NPAS2: variants seen among roughly 807,000 people sequenced by gnomAD.
NPAS2 encodes neuronal PAS domain protein 2.
In NPAS2, 23 loss-of-function variants were observed where a neutral mutation model predicts 107.5. The observed-to-expected ratio is 0.21, with a 90% CI of 0.15 to 0.30. The LOEUF is 0.30. Among genes scored for constraint, NPAS2 ranks in the 10% least tolerant of loss-of-function variants. NPAS2 has a pLI of 1.00. For synonymous variants in NPAS2, 403 were observed against 417.5 expected (o/e 0.97, Z 0.42); for missense variants, 756 against 1,043.3 (o/e 0.72, Z 3.79).
intron 1 of NPAS2, among the ~76,000 whole-genome samples, chr2:100,838,331 G>C (rs911233715): frequency 6.6e-6 from 1 of 152,106 alleles, no homozygotes; most frequent in Non-Finnish European, 1.5e-5. Context: ...AGGCTGGAGT[G>C]TAGTGGTGCA....
At chr2:100,974,454 C>T (rs1053483052) in intron 12 of NPAS2, among the ~76,000 whole-genome samples, 1 of 152,162 alleles carries the variant, frequency 6.6e-6, no homozygotes, top group Non-Finnish European at 1.5e-5. Flanking sequence ...CAGCAGCAAC[C>T]TTATTTCTAG....
At chr2:100,870,292 G>A (rs940390434) in intron 1 of NPAS2, among the ~76,000 whole-genome samples, 1 of 152,174 alleles carries the variant, frequency 6.6e-6, no homozygotes, top group African/African-American at 2.4e-5. Context: ...GCTGTCCAGG[G>A]TATACACTGA....
chr2:100,995,270 C>G lies in NPAS2; in HGVS notation c.2293-130C>G, dbSNP rs1054839734. 35 of 769,158 alleles carry G rather than the reference C, an allele frequency of 4.6e-5. No homozygotes were observed. The African/African-American group carries it at 5.7e-4, about 13-fold the overall frequency. 47.6% of individuals were successfully genotyped at this position (769,158 alleles called of 1,614,324 possible). A position where few individuals can be genotyped will look rare whatever the true frequency, so the allele number is the denominator to read the frequency against. ...AGGTCTTGCCAGAGCCACCTCTCCC[C>G]ACATGACCCCCCAAGAAAGACAGCC... On this transcript the variant is annotated intron_variant, in intron 20 of 20. Transcript: ENST00000335681.
chr2:100,984,921 T>C (rs2105295024), intron 16 of NPAS2: 1 of 152,304 alleles, frequency 6.6e-6, no homozygotes, highest in African/African-American at 2.4e-5. Flanking sequence ...GAAGGGCTGT[T>C]GGTGTTTGCA....
chr2:100,993,415 T>A lies in NPAS2; in HGVS notation c.2180T>A (p.Met727Lys). The change falls in exon 20 of 21, where the codon ATG becomes AAG. Residue 727 changes from methionine to lysine, a missense_variant. Physicochemically the swap from Met to Lys is moderately conservative, Grantham distance 95. Transcript: ENST00000335681. ...AHPANSSSAPMPVLLMGQAVL... is the reference protein window; with the variant it reads ...AHPANSSSAPKPVLLMGQAVL... ...CCCGCCAACAGCAGCAGCGCCCCGA[T>A]GCCCGTCCTGCTGATGGGGCAGGCG... is the stretch of plus-strand genomic sequence containing the variant. 1 of 1,613,382 alleles carries A rather than the reference T, an allele frequency of 6.2e-7. No individual in the cohort carries two copies. Among genetic ancestry groups the A allele is most frequent in the Non-Finnish European group, 8.5e-7 (1 of 1,179,460 alleles).
intron 7 of NPAS2, among the ~76,000 whole-genome samples, chr2:100,950,455 T>G (rs1675155122): frequency 6.6e-6 from 1 of 152,236 alleles, no homozygotes; most frequent in Non-Finnish European, 1.5e-5. Flanking sequence ...TGTTTCACTC[T>G]GGACGTGGTG....
intron 2 of NPAS2, among the ~76,000 whole-genome samples, chr2:100,908,836 G>A (rs976979585): frequency 6.6e-6 from 1 of 152,166 alleles, no homozygotes; most frequent in African/African-American, 2.4e-5. Context: ...TGCTGCCTTT[G>A]TTCATGAGAA....
intron 1 of NPAS2, among the ~76,000 whole-genome samples, chr2:100,877,421 C>T (rs11123850): frequency 0.63 from 86,457 of 136,934 alleles, 27,193 homozygotes; most frequent in Non-Finnish European, 0.71. Context: ...GCCGAGATCG[C>T]GCCACTAGAG....
chr2:100,852,912 T>C (rs1036698024), intron 1 of NPAS2, among the ~76,000 whole-genome samples: 1 of 152,198 alleles, frequency 6.6e-6, no homozygotes, highest in African/African-American at 2.4e-5. Flanking sequence ...AAAAACCCGC[T>C]AATGGCTTGA....
intron 20 of NPAS2, 88 bp downstream of exon 20, chr2:100,993,615 T>G: frequency 9.2e-7 from 1 of 1,092,250 alleles, no homozygotes; most frequent in Non-Finnish European, 1.3e-6. Context: ...TTTTATTCCC[T>G]TGCTTTCAAG....
intron 2 of NPAS2, among the ~76,000 whole-genome samples, chr2:100,923,410 G>A (rs1683362269): frequency 6.6e-6 from 1 of 152,214 alleles, no homozygotes; most frequent in African/African-American, 2.4e-5. Flanking sequence ...GGCAGGTTGT[G>A]TGCAATTAGG....
At chr2:100,909,692 CG>C (rs1216922844) in intron 2 of NPAS2, among the ~76,000 whole-genome samples, 3 of 150,462 alleles carry the variant, frequency 2.0e-5, no homozygotes, top group Non-Finnish European at 4.4e-5. Flanking sequence ...AGCTCCCACA[CG>C]GGGGGAAAAA....
chr2:100,850,305 G>A (rs1678084832), intron 1 of NPAS2, among the ~76,000 whole-genome samples: 1 of 152,202 alleles, frequency 6.6e-6, no homozygotes. Context: ...ATCAGATTTA[G>A]TTTCAAGTGT....
intron 1 of NPAS2, among the ~76,000 whole-genome samples, chr2:100,872,214 G>A (rs1204682033): frequency 6.6e-6 from 1 of 152,148 alleles, no homozygotes; most frequent in Non-Finnish European, 1.5e-5. Flanking sequence ...ATGGCCTTGT[G>A]GTCAGAAGTG....
chr2:100,950,363 CAG>C (rs1179149714), intron 7 of NPAS2, among the ~76,000 whole-genome samples: 1 of 152,268 alleles, frequency 6.6e-6, no homozygotes, highest in East Asian at 1.9e-4. Flanking sequence ...GAAACAAAAA[CAG>C]AAAGATGAGC....
chr2:100,971,298 C>CAAAAAAAA (rs35040339), intron 12 of NPAS2, among the ~76,000 whole-genome samples: 16 of 102,552 alleles, frequency 1.6e-4, no homozygotes, highest in African/African-American at 5.3e-4. Flanking sequence ...GACTCTATCT[C>CAAAAAAAA]AAAAAAAAAA....
chr2:100,904,702 T>C, intron 1 of NPAS2, 31 bp from the exon 2 acceptor site: 1 of 1,401,402 alleles, frequency 7.1e-7, no homozygotes, highest in South Asian at 1.2e-5. Context: ...TAATTATCCA[T>C]TCTTTTTAAT....
intron 1 of NPAS2, among the ~76,000 whole-genome samples, chr2:100,886,257 A>T (rs1464641278): frequency 6.6e-6 from 1 of 152,154 alleles, no homozygotes; most frequent in Non-Finnish European, 1.5e-5. Flanking sequence ...GATTCACTTT[A>T]CCCAAGTTTG....
chr2:100,968,697 G>A lies in NPAS2; in HGVS notation c.1055+269G>A, dbSNP rs574389023. ...TTTGAACGCCTCATGGACTCTCGCA[G>A]GCTGCCAGGATATTACTTAGTAAGT... On this transcript the variant is annotated intron_variant, in intron 11 of 20. Transcript: ENST00000335681. This position sits in a 1 kb window ranked among gnomAD's most constrained non-coding sequence, Gnocchi z 5.3. Among the ~76,000 whole-genome samples the A allele has an allele frequency of 1.8e-4, 28 of 152,234 alleles. No homozygotes were observed. The highest frequency in any genetic ancestry group is 4.1e-4 in the South Asian group (2 of 4,824).
Sources: gnomAD v4.1 joint callset for allele counts (sites outside exome capture counted in the v4.1 genomes callset) on GRCh38, gnomAD v4.1.1 for gene constraint, Gnocchi (gnomAD v3.1) non-coding constraint, MANE v1.5 for transcripts, NCBI Gene and HGNC (gene_info 2026-07-23, HGNC 2026-07-21) for gene names.